The following ZFAND3 variants were observed in gnomAD, a reference collection of about 807,000 sequenced individuals.
The protein encoded by ZFAND3 is zinc finger AN1-type containing 3, also known as AN1-type zinc finger protein 3.
Under a neutral mutation model 29.6 loss-of-function variants are expected in ZFAND3, and 10 were observed. The ratio of observed to expected loss-of-function variants is 0.34; its 90% CI spans 0.21 to 0.57. ZFAND3 has a LOEUF of 0.57. Among genes scored for constraint, ZFAND3 ranks in the 20% least tolerant of loss-of-function variants. ZFAND3 has a pLI of 0.86. For synonymous variants in ZFAND3, 128 were observed against 112.6 expected (o/e 1.14, Z -0.87); for missense variants, 230 against 304.5 (o/e 0.76, Z 1.82).
intron 2 of ZFAND3, among the ~76,000 whole-genome samples, chr6:37,998,504 A>G (rs1263872610): frequency 6.6e-6 from 1 of 151,842 alleles, no homozygotes; most frequent in Non-Finnish European, 1.5e-5. Flanking sequence ...AAAACAGACT[A>G]TTACAGATGT....
intron 4 of ZFAND3, among the ~76,000 whole-genome samples, chr6:38,098,383 C>G (rs574254873): frequency 1.3e-5 from 2 of 152,318 alleles, no homozygotes; most frequent in South Asian, 4.1e-4. Flanking sequence ...CTCCTGACCT[C>G]AGGTGATCCA....
intron 2 of ZFAND3, among the ~76,000 whole-genome samples, chr6:38,038,090 T>C (rs1001396648): frequency 2.0e-5 from 3 of 152,082 alleles, no homozygotes; most frequent in Non-Finnish European, 4.4e-5. Context: ...GTGTAGGGCC[T>C]CCAGGGCTGC....
chr6:38,141,484 T>C (rs1428753147), intron 5 of ZFAND3, among the ~76,000 whole-genome samples: 3 of 152,228 alleles, frequency 2.0e-5, no homozygotes, highest in African/African-American at 7.2e-5. Flanking sequence ...CTGAGTACTT[T>C]CCAGGCTGCA....
intron 2 of ZFAND3, among the ~76,000 whole-genome samples, chr6:37,984,611 C>G (rs1581813726): frequency 6.6e-6 from 1 of 152,218 alleles, no homozygotes; most frequent in African/African-American, 2.4e-5. Context: ...AGCAGTGTAT[C>G]AGTGCTAAAA....
intron 1 of ZFAND3, among the ~76,000 whole-genome samples, chr6:37,921,283 A>T (rs1418590318): frequency 6.6e-6 from 1 of 152,090 alleles, no homozygotes; most frequent in East Asian, 1.9e-4. Context: ...TGTAGTCTAG[A>T]TTTTTTTAGT....
intron 4 of ZFAND3, among the ~76,000 whole-genome samples, chr6:38,109,394 G>C (rs1318952361): frequency 6.6e-6 from 1 of 152,076 alleles, no homozygotes; most frequent in Non-Finnish European, 1.5e-5. Context: ...TGGTTGGCCA[G>C]GATGGTCTCA....
At chr6:37,895,086 C>A (rs1765174510) in intron 1 of ZFAND3, among the ~76,000 whole-genome samples, 1 of 152,136 alleles carries the variant, frequency 6.6e-6, no homozygotes, top group Non-Finnish European at 1.5e-5. Flanking sequence ...ATTATTTCTT[C>A]AAAAAATTTT....
At chr6:37,828,618 C>A (rs745355757) in intron 1 of ZFAND3, among the ~76,000 whole-genome samples, 15 of 151,510 alleles carry the variant, frequency 9.9e-5, no homozygotes, top group Non-Finnish European at 8.8e-5. Flanking sequence ...TTCTTGGTTT[C>A]TGTGCCTAAG....
chr6:38,103,495 GTGTATATATA>G (rs1562000431), intron 4 of ZFAND3, among the ~76,000 whole-genome samples: 2,038 of 13,040 alleles, frequency 0.16, 53 homozygotes, highest in African/African-American at 0.31. Context: ...ATATATACAC[GTGTATATATA>G]TACACGTGTA....
chr6:37,993,262 C>T (rs1762790826), intron 2 of ZFAND3, among the ~76,000 whole-genome samples: 1 of 152,034 alleles, frequency 6.6e-6, no homozygotes, highest in Non-Finnish European at 1.5e-5. Context: ...AACCATAGAG[C>T]TAAAAATACA....
intron 1 of ZFAND3, among the ~76,000 whole-genome samples, chr6:37,884,969 TA>T (rs1448013101): frequency 2.0e-5 from 3 of 152,204 alleles, no homozygotes; most frequent in African/African-American, 7.2e-5. Context: ...TGAGTAAATC[TA>T]ACAAGGCTCT....
At chr6:38,149,811 G>A (rs944649242) in intron 5 of ZFAND3, among the ~76,000 whole-genome samples, 72 of 152,316 alleles carry the variant, frequency 4.7e-4, no homozygotes, top group African/African-American at 1.6e-3. Flanking sequence ...ATTTCCTGCT[G>A]CTTTTATTCA....
intron 1 of ZFAND3, among the ~76,000 whole-genome samples, chr6:37,908,525 T>G (rs1581752056): frequency 2.8e-5 from 2 of 70,582 alleles, no homozygotes; most frequent in South Asian, 7.8e-4. Context: ...ACTTAAAGTA[T>G]AATTAAAAAA....
At chr6:37,957,907 A>AG (rs1762111740) in intron 2 of ZFAND3, among the ~76,000 whole-genome samples, 1 of 152,164 alleles carries the variant, frequency 6.6e-6, no homozygotes, top group South Asian at 2.1e-4. Context: ...TGTGACATAT[A>AG]GGGTGTTATG....
intron 1 of ZFAND3, among the ~76,000 whole-genome samples, chr6:37,897,621 A>G (rs1765243753): frequency 6.6e-6 from 1 of 152,182 alleles, no homozygotes; most frequent in African/African-American, 2.4e-5. Flanking sequence ...GCGGATTAGT[A>G]TTTCAGTGTT....
intron 5 of ZFAND3, among the ~76,000 whole-genome samples, chr6:38,121,195 A>G (rs1765527094): frequency 6.6e-6 from 1 of 152,166 alleles, no homozygotes; most frequent in Non-Finnish European, 1.5e-5. Context: ...AGAGATAGGC[A>G]ACATAGTAAG....
intron 1 of ZFAND3, among the ~76,000 whole-genome samples, chr6:37,854,480 G>A (rs1764339658): frequency 6.6e-6 from 1 of 152,116 alleles, no homozygotes; most frequent in Non-Finnish European, 1.5e-5. Context: ...GATGGATCCA[G>A]GTCCCCAGGT....
chr6:38,050,799 T>C (rs932201992), intron 2 of ZFAND3, among the ~76,000 whole-genome samples: 1 of 152,178 alleles, frequency 6.6e-6, no homozygotes, highest in Non-Finnish European at 1.5e-5. Flanking sequence ...ATATAACATA[T>C]TGTATTTCTT....
chr6:38,142,300 G>GCCC (rs968824918), intron 5 of ZFAND3: 2 of 471,402 alleles, frequency 4.2e-6, no homozygotes, highest in Non-Finnish European at 8.8e-6. Flanking sequence ...ATAGTCTGAT[G>GCCC]CCCCCTGACC....
Sources: allele counts gnomAD v4.1 joint callset (sites outside exome capture counted in the v4.1 genomes callset), GRCh38; gene constraint gnomAD v4.1.1; transcripts MANE v1.5; gene names NCBI Gene and HGNC (gene_info 2026-07-23, HGNC 2026-07-21).